SMIM36: variants seen among roughly 807,000 people sequenced by gnomAD.
SMIM36 encodes small integral membrane protein 36.
intron 1 of SMIM36, among the ~76,000 whole-genome samples, chr17:55,510,511 G>A (rs1910161326): frequency 6.6e-6 from 1 of 152,160 alleles, no homozygotes; most frequent in African/African-American, 2.4e-5. Context: ...TGGGAAGGTT[G>A]CTTGAGCCCA....
At chr17:55,481,687 G>A (rs1168790317) in intron 1 of SMIM36, among the ~76,000 whole-genome samples, 1 of 152,094 alleles carries the variant, frequency 6.6e-6, no homozygotes, top group African/African-American at 2.4e-5. Context: ...AAGTTGGAAA[G>A]CATCATAATT....
chr17:55,491,607 A>G (rs1010002365), intron 1 of SMIM36, among the ~76,000 whole-genome samples: 1 of 152,198 alleles, frequency 6.6e-6, no homozygotes, highest in African/African-American at 2.4e-5. Flanking sequence ...CTAATGAAAT[A>G]TAAGCATACA....
exon 4 of SMIM36, chr17:55,467,268 C>G (rs1276306499): frequency 6.6e-6 from 1 of 152,174 alleles, no homozygotes; most frequent in Non-Finnish European, 1.5e-5. Flanking sequence ...GCTATAGATT[C>G]AAAAGCTTCT....
At chr17:55,473,898 G>A (rs910258862) in intron 3 of SMIM36, among the ~76,000 whole-genome samples, 2 of 152,082 alleles carry the variant, frequency 1.3e-5, no homozygotes, top group Non-Finnish European at 2.9e-5. Flanking sequence ...AGACAGCCCG[G>A]CGCGTCACCC....
chr17:55,461,914 A>T (rs1432593288), intron 4 of SMIM36, among the ~76,000 whole-genome samples: 2 of 152,246 alleles, frequency 1.3e-5, no homozygotes, highest in East Asian at 3.8e-4. Flanking sequence ...CTTACGGAAG[A>T]AGGCTGCAAA....
chr17:55,498,989 ACT>A (rs1328828318), intron 1 of SMIM36, among the ~76,000 whole-genome samples: 9 of 115,854 alleles, frequency 7.8e-5, no homozygotes, highest in Middle Eastern at 4.4e-3. Flanking sequence ...ACAGAGTGAG[ACT>A]CTGTCACCAA....
At chr17:55,457,910 A>G (rs1412705230) in intron 4 of SMIM36, among the ~76,000 whole-genome samples, 1 of 152,212 alleles carries the variant, frequency 6.6e-6, no homozygotes, top group African/African-American at 2.4e-5. Context: ...ATACTTGACT[A>G]TGTCATTAAT....
chr17:55,488,421 GA>G (rs1446728049), intron 1 of SMIM36, among the ~76,000 whole-genome samples: 2 of 152,162 alleles, frequency 1.3e-5, no homozygotes, highest in African/African-American at 4.8e-5. Context: ...CAAGCATAAA[GA>G]AGAACATTTT....
chr17:55,475,847 A>G (rs1225832013), intron 3 of SMIM36, among the ~76,000 whole-genome samples: 18 of 151,944 alleles, frequency 1.2e-4, no homozygotes, highest in Admixed American at 1.2e-3. Context: ...TAATCATTCT[A>G]TATGACAAAT....
intron 1 of SMIM36, among the ~76,000 whole-genome samples, chr17:55,485,452 A>T (rs1598452969): frequency 6.9e-6 from 1 of 144,338 alleles, no homozygotes. Context: ...TACCCTGCTG[A>T]TTTTTTTTTT....
the SMIM36 span, among the ~76,000 whole-genome samples, chr17:55,528,671 T>C: frequency 6.6e-6 from 1 of 151,586 alleles, no homozygotes; most frequent in Non-Finnish European, 1.5e-5. Flanking sequence ...TGCCTCAGCC[T>C]CCTGAGTAGC....
intron 1 of SMIM36, among the ~76,000 whole-genome samples, chr17:55,501,087 A>ATAT (rs1909931595): frequency 8.7e-4 from 1 of 1,156 alleles, no homozygotes; most frequent in Non-Finnish European, 1.6e-3. Context: ...TATATAATAT[A>ATAT]CTATTATATT....
chr17:55,508,790 GC>G (rs1910129503), intron 1 of SMIM36, among the ~76,000 whole-genome samples: 1 of 151,920 alleles, frequency 6.6e-6, no homozygotes, highest in Non-Finnish European at 1.5e-5. Context: ...GCGTGTGGTG[GC>G]AGATGCCTGT....
chr17:55,471,381 G>C (rs1188808808), intron 3 of SMIM36, among the ~76,000 whole-genome samples: 1 of 152,034 alleles, frequency 6.6e-6, no homozygotes, highest in Non-Finnish European at 1.5e-5. Context: ...TACTCAAAGG[G>C]GTACTGAGTA....
the SMIM36 span, among the ~76,000 whole-genome samples, chr17:55,528,621 C>T: frequency 4.7e-5 from 7 of 150,018 alleles, no homozygotes; most frequent in South Asian, 2.1e-4. Flanking sequence ...GGCACGATCT[C>T]GGCTCACTGC....
At chr17:55,452,049 A>G (rs926298242) in intron 4 of SMIM36, among the ~76,000 whole-genome samples, 3 of 138,504 alleles carry the variant, frequency 2.2e-5, no homozygotes, top group African/African-American at 8.1e-5. Flanking sequence ...GCAGTAAGCT[A>G]TGATTGGGCC....
upstream of SMIM36, among the ~76,000 whole-genome samples, chr17:55,515,307 C>T (rs962392568): frequency 6.6e-6 from 1 of 151,990 alleles, no homozygotes; most frequent in African/African-American, 2.4e-5. Context: ...TCTCAGCCTC[C>T]TACTTGTAAT....
intron 1 of SMIM36, among the ~76,000 whole-genome samples, chr17:55,481,384 G>T (rs1909518422): frequency 6.6e-6 from 1 of 152,044 alleles, no homozygotes; most frequent in Admixed American, 6.6e-5. Context: ...CAATAACCAG[G>T]CAGAAGAAAA....
chr17:55,465,833 CTAA>C (rs1192675804), intron 4 of SMIM36, among the ~76,000 whole-genome samples: 2 of 152,090 alleles, frequency 1.3e-5, no homozygotes, highest in African/African-American at 4.8e-5. Context: ...CTCAGAGTCT[CTAA>C]TAAGGTCCTT....
Sources: allele counts gnomAD v4.1 joint callset (sites outside exome capture counted in the v4.1 genomes callset), GRCh38; gene constraint gnomAD v4.1.1; transcripts MANE v1.5; gene names NCBI Gene and HGNC (gene_info 2026-07-23, HGNC 2026-07-21).